Variants in CATSPERG observed in about 807,000 individuals in gnomAD.
The protein encoded by CATSPERG is catsper channel auxiliary subunit gamma, also known as cation channel sperm-associated auxiliary subunit gamma.
A neutral mutation model predicts 145.0 loss-of-function variants in CATSPERG; 115 were observed. The observed-to-expected ratio is 0.79, with a 90% CI of 0.68 to 0.93. CATSPERG has a LOEUF of 0.93. Among genes scored for constraint, CATSPERG ranks in the 40% least tolerant of loss-of-function variants. The pLI, the probability that CATSPERG is intolerant of heterozygous loss-of-function variation, is 0.00. For missense variants in CATSPERG, 1,296 were observed against 1,490.1 expected (o/e 0.87, Z 2.14); for synonymous variants, 588 against 589.0 (o/e 1.00, Z 0.02).
chr19:38,336,054 AGAG>A (rs1969828669), intron 1 of CATSPERG, 179 bp downstream of exon 1: 2 of 364,230 alleles, frequency 5.5e-6, no homozygotes, highest in Admixed American at 2.8e-5. Flanking sequence ...GGGAGCTGGC[AGAG>A]GAGGGAAAGG....
intron 7 of CATSPERG, among the ~76,000 whole-genome samples, chr19:38,348,465 T>G (rs1233225601): frequency 5.4e-5 from 6 of 110,812 alleles, no homozygotes; most frequent in East Asian, 2.9e-4. Flanking sequence ...ACAAACTTCG[T>G]TTTTTTTTTT....
At chr19:38,352,216 G>GAGGCCA in intron 7 of CATSPERG, 45 bp from the exon 8 acceptor site, 2 of 1,541,958 alleles carry the variant, frequency 1.3e-6, no homozygotes, top group Non-Finnish European at 1.8e-6. Flanking sequence ...CATGGGGGCT[G>GAGGCCA]AGGCCAAGGC....
chr19:38,367,588 G>A lies in CATSPERG; in HGVS notation c.2834+16G>A, dbSNP rs1011368720. The A allele has an allele frequency of 2.5e-6, 4 of 1,613,776 alleles. No homozygotes were observed. The African/African-American group carries it at 5.3e-5, about 22-fold the overall frequency. ...TCCAGGGCAGGTAAAGGCGTGGCCAGCTTGCAGCTAGGGCAGGTGGAGGGA... is the reference window on the plus strand; with the variant it reads ...TCCAGGGCAGGTAAAGGCGTGGCCAACTTGCAGCTAGGGCAGGTGGAGGGA... On this transcript the variant is annotated intron_variant, in intron 24 of 28. Coordinates refer to ENST00000409235, the MANE Select transcript of CATSPERG (RefSeq NM_021185.5).
intron 26 of CATSPERG, 88 bp from the exon 27 acceptor site, chr19:38,369,884 A>AC (rs1568385017): frequency 8.2e-7 from 1 of 1,214,852 alleles, no homozygotes; most frequent in Non-Finnish European, 1.2e-6. Context: ...TTTGGTCCTC[A>AC]CCGAAAACAT....
At chr19:38,352,226 C>A (rs1340974360) in intron 7 of CATSPERG, 35 bp from the exon 8 acceptor site, 1 of 1,547,134 alleles carries the variant, frequency 6.5e-7, no homozygotes, top group Non-Finnish European at 8.7e-7. Context: ...GAGGCCAAGG[C>A]CACCTGCTCA....
Position 38,362,666 on chromosome 19 carries a change from G to T in CATSPERG, c.2357-48G>T, listed in dbSNP as rs765411421. The T allele has an allele frequency of 1.0e-5, 16 of 1,604,758 alleles. No individual in the cohort carries two copies. The Admixed American group carries it at 2.7e-4, about 27-fold the overall frequency. The stretch of plus-strand genomic sequence containing the variant: ...GGGCGGGGACACCATCGGAGGGGCG[G>T]GGCCTGTCTGTGAGGGAGGCCTTAA... On this transcript the variant is annotated intron_variant, in intron 19 of 28. Coordinates refer to ENST00000409235, the MANE Select transcript of CATSPERG (RefSeq NM_021185.5).
chr19:38,360,854 A>G lies in CATSPERG; in HGVS notation c.1880+11A>G. Reference sequence around the variant, plus strand: ...CTTGGAGCGGAAAGGGTGAGAAGACACCGGACCATGACAGGGGTCTGAGGG... The same window carrying G: ...CTTGGAGCGGAAAGGGTGAGAAGACGCCGGACCATGACAGGGGTCTGAGGG... On this transcript the variant is annotated intron_variant, in intron 16 of 28. Coordinates refer to ENST00000409235, the MANE Select transcript of CATSPERG (RefSeq NM_021185.5). 3 of 1,596,730 alleles carry G rather than the reference A, an allele frequency of 1.9e-6. No individual in the cohort carries two copies. The highest frequency in any genetic ancestry group is 2.6e-6 in the Non-Finnish European group (3 of 1,168,898).
chr19:38,337,451 A>C lies in CATSPERG; in HGVS notation c.217A>C (p.Thr73Pro). 1 of 1,552,192 alleles carries C rather than the reference A, an allele frequency of 6.4e-7. No homozygotes were observed. Among genetic ancestry groups the C allele is most frequent in the Non-Finnish European group, 8.7e-7 (1 of 1,147,098 alleles). Residue 73 changes from threonine (T) to proline (P), a missense_variant, in exon 2 of 29, where the codon ACA (threonine) becomes CCA (proline). Coordinates refer to ENST00000409235, the MANE Select transcript of CATSPERG (RefSeq NM_021185.5). ...DSFFEQEPVD[T>P]VSSLFHMLVD... ...CTTCTTTGAGCAAGAGCCCGTGGAC[A>C]CAGTGAGCAGCTTGTTTCACATGCT...
At chr19:38,360,018 T>C in intron 14 of CATSPERG, 1 of 985,050 alleles carries the variant, frequency 1.0e-6, no homozygotes, top group Non-Finnish European at 1.2e-6. Context: ...TCTTGGAGGC[T>C]GGAGGGGATC....
chr19:38,343,957 G>A, intron 4 of CATSPERG, 36 bp from the exon 5 acceptor site: 1 of 1,546,058 alleles, frequency 6.5e-7, no homozygotes, highest in Middle Eastern at 2.2e-4. Flanking sequence ...CCATTGGGAG[G>A]CCCCAGCAGT....
intron 8 of CATSPERG, among the ~76,000 whole-genome samples, chr19:38,353,101 A>C (rs914401615): frequency 6.7e-6 from 1 of 149,232 alleles, no homozygotes; most frequent in Admixed American, 6.7e-5. Context: ...TGGGAGGCCG[A>C]GGCGGGTGGA....
At chr19:38,361,020 G>T (rs1970335231) in intron 16 of CATSPERG, among the ~76,000 whole-genome samples, 177 bp downstream of exon 16, 1 of 152,160 alleles carries the variant, frequency 6.6e-6, no homozygotes, top group Non-Finnish European at 1.5e-5. Context: ...GTGGGGGGAA[G>T]GTGCATCAGG....
Position 38,362,838 on chromosome 19 carries a change from GC to G in CATSPERG, c.2475+12del, listed in dbSNP as rs555515204. On this transcript the variant is annotated splice_region_variant and intron_variant, in intron 20 of 28. Transcript: ENST00000409235. Reference sequence around the variant, plus strand: ...GCAACTCGGTGCTATTTTCGGTGAGGCCCCCCGGGGAGTTGGGATCAAGGGA... The same window carrying G: ...GCAACTCGGTGCTATTTTCGGTGAGGCCCCCGGGGAGTTGGGATCAAGGGA... The G allele has an allele frequency of 2.9e-4, 434 of 1,476,284 alleles. No homozygotes were observed. The African/African-American group carries it at 5.1e-3, about 17-fold the overall frequency. The allele number at this position is 1,476,284 out of a possible 1,614,324, so 91.4% of individuals were successfully genotyped here.
At chr19:38,342,474 T>C (rs75053104) in intron 3 of CATSPERG, among the ~76,000 whole-genome samples, 35,138 of 150,946 alleles carry the variant, frequency 0.23, 4,268 homozygotes, top group Admixed American at 0.32. Context: ...GTGGTGCACG[T>C]GTGTAGTCCC....
chr19:38,366,701 CT>C (rs1215972834), intron 22 of CATSPERG: 3,583 of 136,266 alleles, frequency 0.026, 48 homozygotes, highest in South Asian at 0.045. Context: ...GGCTCTCGGT[CT>C]TTTTTTTTTT....
intron 20 of CATSPERG, among the ~76,000 whole-genome samples, chr19:38,364,320 G>T (rs565991868): frequency 6.6e-6 from 1 of 152,130 alleles, no homozygotes; most frequent in East Asian, 1.9e-4. Context: ...TCACCTCCCA[G>T]ATGGGGTCGC....
chr19:38,362,116 G>A, intron 17 of CATSPERG, 94 bp from the exon 18 acceptor site: 1 of 1,379,654 alleles, frequency 7.2e-7, no homozygotes, highest in Non-Finnish European at 1.0e-6. Flanking sequence ...TTGGGGGCTG[G>A]CTTTGAGGCT....
intron 7 of CATSPERG, chr19:38,349,648 TTTTG>T (rs371725796): frequency 0.02 from 3,030 of 149,880 alleles, 41 homozygotes; most frequent in African/African-American, 0.042. Context: ...CATTGTTTTT[TTTTG>T]TTTGTTTGTT....
intron 3 of CATSPERG, among the ~76,000 whole-genome samples, chr19:38,338,159 G>C (rs1473424734): frequency 6.7e-6 from 1 of 150,310 alleles, no homozygotes; most frequent in Non-Finnish European, 1.5e-5. Context: ...TTTTTGTTTT[G>C]TTTTGTTTTT....
Sources: allele counts gnomAD v4.1 joint callset (sites outside exome capture counted in the v4.1 genomes callset), GRCh38; gene constraint gnomAD v4.1.1; transcripts MANE v1.5; gene names NCBI Gene and HGNC (gene_info 2026-07-23, HGNC 2026-07-21).